LPA: variants seen among roughly 807,000 people sequenced by gnomAD.
LPA encodes lipoprotein(a).
LPA carries 199 observed loss-of-function variants against 197.9 expected under a neutral mutation model. The observed-to-expected ratio is 1.01, with a 90% confidence interval of 0.90 to 1.13. LPA has a LOEUF of 1.13. Among genes scored for constraint, LPA ranks in the 50% most tolerant of loss-of-function variants. LPA has a pLI of 0.00. For synonymous variants in LPA, 715 were observed against 639.5 expected, an observed-to-expected ratio of 1.12 and a Z score of -1.78; for missense variants, 1,853 against 1,785.8, an observed-to-expected ratio of 1.04 and a Z score of -0.68.
rs765841245 is a variant in LPA at position 160,594,035 on chromosome 6, G to T, written c.3552C>A (p.Val1184=). The part of the protein sequence containing the change: ...QSYRGSFSTT[V]TGRTCQSWSS... The stretch of plus-strand genomic sequence containing the variant: ...ACCAAGACTGACATGTCCTTCCTGT[G>T]ACAGTGGTAGAGAATGAGCCTCGAT... The change falls in exon 22 of 39, where the codon GTC becomes GTA. Residue 1184 remains valine, a synonymous_variant. Coordinates refer to ENST00000316300, the MANE Select transcript of LPA (RefSeq NM_005577.4). 1.9e-6 allele frequency: 3 copies of T among 1,614,010 alleles called. No individual in the cohort carries two copies. The highest frequency in any genetic ancestry group is 8.5e-7 in the Non-Finnish European group (1 of 1,179,884).
intron 27 of LPA, 42 bp from the exon 28 acceptor site, chr6:160,577,337 A>G: frequency 6.3e-7 from 1 of 1,590,334 alleles, no homozygotes; most frequent in Non-Finnish European, 8.6e-7. Flanking sequence ...TAATTGCATG[A>G]GCAGAGAAAC....
At chr6:160,606,245 G>A (rs1339579931) in intron 17 of LPA, among the ~76,000 whole-genome samples, 3 of 152,076 alleles carry the variant, frequency 2.0e-5, no homozygotes, top group African/African-American at 7.2e-5. Flanking sequence ...TTGTGAAGTC[G>A]ATCACCCTGG....
chr6:160,571,393 G>GCT (rs916628119), intron 28 of LPA, among the ~76,000 whole-genome samples: 11 of 152,262 alleles, frequency 7.2e-5, no homozygotes, highest in African/African-American at 2.6e-4. Context: ...CCTTATCAGA[G>GCT]CTCTAGTGCT....
intron 16 of LPA, among the ~76,000 whole-genome samples, chr6:160,609,394 A>G (rs1779431742): frequency 1.3e-5 from 2 of 152,206 alleles, no homozygotes; most frequent in South Asian, 4.1e-4. Context: ...TGAACGCATT[A>G]GCAATTTGTA....
intron 19 of LPA, among the ~76,000 whole-genome samples, chr6:160,599,881 A>C (rs114909802): frequency 0.011 from 1,641 of 152,308 alleles, 23 homozygotes; most frequent in African/African-American, 0.037. Context: ...ATTTCATGTA[A>C]AACTTAGTGG....
intron 28 of LPA, among the ~76,000 whole-genome samples, chr6:160,570,049 A>C (rs1359763653): frequency 1.3e-5 from 2 of 152,236 alleles, no homozygotes; most frequent in Non-Finnish European, 2.9e-5. Flanking sequence ...ACTGTAAACT[A>C]GTTCAACCAT....
chr6:160,643,084 G>GTT (rs1779866966), intron 4 of LPA, among the ~76,000 whole-genome samples: 13 of 58,244 alleles, frequency 2.2e-4, no homozygotes, highest in East Asian at 6.7e-4. Context: ...TGTGTTTTCA[G>GTT]TGTGTGTGTG....
intron 30 of LPA, among the ~76,000 whole-genome samples, chr6:160,550,654 GA>G (rs1183335454): frequency 1.3e-5 from 2 of 152,194 alleles, no homozygotes; most frequent in East Asian, 3.9e-4. Context: ...CATCACCCCA[GA>G]AAAAAACTTC....
At chr6:160,593,173 G>A (rs544262391) in intron 22 of LPA, among the ~76,000 whole-genome samples, 75 of 152,248 alleles carry the variant, frequency 4.9e-4, no homozygotes, top group Admixed American at 2.3e-3. Context: ...CAAGACTGCT[G>A]TGGTCAGCTG....
intron 1 of LPA, among the ~76,000 whole-genome samples, chr6:160,653,509 AATGAG>A (rs755833267): frequency 0.013 from 1,350 of 105,428 alleles, 9 homozygotes; most frequent in Non-Finnish European, 0.018. Flanking sequence ...AATAATGAGT[AATGAG>A]TTCTGAAGTT....
At position 160,611,731 on chromosome 6, in the gene LPA, A is replaced by G. The variant is rs772361721; in HGVS notation, c.2444-10T>C. 2.1e-6 allele frequency: 3 copies of G among 1,460,798 alleles called. No homozygotes were observed. The highest frequency in any genetic ancestry group is 2.8e-6 in the Non-Finnish European group (3 of 1,065,378). 90.5% of individuals were successfully genotyped at this position (1,460,798 alleles called of 1,614,324 possible). A position where few individuals can be genotyped will look rare whatever the true frequency, so the allele number is the denominator to read the frequency against. On this transcript the variant is annotated splice_polypyrimidine_tract_variant and intron_variant, in intron 15 of 38. Coordinates refer to ENST00000316300, the MANE Select transcript of LPA (RefSeq NM_005577.4). ...CTCTGCTCAGTCGGTGCTGAAATGA[A>G]AACACAAGAAATAAACTGAGTATCT...
At chr6:160,643,110 G>GTC (rs1779868595) in intron 4 of LPA, among the ~76,000 whole-genome samples, 1 of 144,796 alleles carries the variant, frequency 6.9e-6, no homozygotes, top group Non-Finnish European at 1.5e-5. Context: ...GTGTGTGTGT[G>GTC]TGTGTAGCTC....
rs142226898 is a variant in LPA at position 160,585,276 on chromosome 6, C to G, written c.4130-71G>C. 359 of 1,432,694 alleles carry G rather than the reference C, an allele frequency of 2.5e-4. 1 individual carries two copies. In the African/African-American group the frequency reaches 4.5e-3, roughly 18 times the overall value. The allele number at this position is 1,432,694 out of a possible 1,614,324, so 88.7% of individuals were successfully genotyped here. On this transcript the variant is annotated intron_variant, in intron 25 of 38. Transcript: ENST00000316300. ...GAAATGTGAAAAAAATTATGACACA[C>G]AAAGTGGAATAATCTGAGGATTAAC...
intron 28 of LPA, among the ~76,000 whole-genome samples, chr6:160,572,121 A>G (rs1333267580): frequency 6.6e-6 from 1 of 152,164 alleles, no homozygotes; most frequent in Non-Finnish European, 1.5e-5. Context: ...TCCTTTGGCT[A>G]GGGGAGGGAG....
chr6:160,572,503 G>T (rs1031414791), intron 28 of LPA, among the ~76,000 whole-genome samples: 1 of 152,146 alleles, frequency 6.6e-6, no homozygotes, highest in Non-Finnish European at 1.5e-5. Context: ...TATAGGTCCT[G>T]TGTGATTTAT....
chr6:160,533,037 C>T (rs1777831208), intron 37 of LPA, among the ~76,000 whole-genome samples: 1 of 152,076 alleles, frequency 6.6e-6, no homozygotes, highest in Non-Finnish European at 1.5e-5. Flanking sequence ...TCATAATGCA[C>T]AATTTCCTAT....
intron 28 of LPA, among the ~76,000 whole-genome samples, chr6:160,567,014 A>C: frequency 6.6e-6 from 1 of 152,198 alleles, no homozygotes; most frequent in East Asian, 1.9e-4. Context: ...GAGACCTACA[A>C]AGAGACTTAG....
chr6:160,552,260 G>T (rs1333539772), intron 30 of LPA, among the ~76,000 whole-genome samples: 1 of 152,052 alleles, frequency 6.6e-6, no homozygotes, highest in East Asian at 1.9e-4. Context: ...TTATATTAAG[G>T]TATATAAGTC....
At chr6:160,566,357 AT>A (rs1778454729) in intron 28 of LPA, among the ~76,000 whole-genome samples, 1 of 152,242 alleles carries the variant, frequency 6.6e-6, no homozygotes. Context: ...AAAGAAAAGA[AT>A]TTTCAACTGA....
Sources: gnomAD v4.1 joint callset for allele counts (sites outside exome capture counted in the v4.1 genomes callset) on GRCh38, gnomAD v4.1.1 for gene constraint, MANE v1.5 for transcripts, NCBI Gene and HGNC (gene_info 2026-07-23, HGNC 2026-07-21) for gene names.